Variants in GLIPR1L1 observed in about 807,000 individuals in gnomAD.
GLIPR1L1 encodes the protein GLIPR1 like 1.
Under a neutral mutation model 29.9 loss-of-function variants are expected in GLIPR1L1, and 26 were observed. The ratio of observed to expected loss-of-function variants is 0.87; its 90% CI spans 0.64 to 1.21. GLIPR1L1 has a LOEUF of 1.21. Among genes scored for constraint, GLIPR1L1 ranks in the 50% most tolerant of loss-of-function variants. The probability of loss-of-function intolerance (pLI) is 0.00; values close to 1 mark genes in which losing one functional copy is unlikely to be tolerated. For synonymous variants in GLIPR1L1, 77 were observed against 97.5 expected, an observed-to-expected ratio of 0.79 and a Z score of 1.24; for missense variants, 305 against 290.3, an observed-to-expected ratio of 1.05 and a Z score of -0.37.
chr12:75,348,698 CT>C (rs1395246236), intron 3 of GLIPR1L1, among the ~76,000 whole-genome samples: 8 of 152,110 alleles, frequency 5.3e-5, no homozygotes. Flanking sequence ...TAACAGATTT[CT>C]TATGGGTCTT....
At chr12:75,338,198 C>A (rs984418845) in intron 1 of GLIPR1L1, among the ~76,000 whole-genome samples, 1 of 152,012 alleles carries the variant, frequency 6.6e-6, no homozygotes, top group African/African-American at 2.4e-5. Context: ...AAATCTTCAA[C>A]AAAATTATAA....
At chr12:75,369,486 T>C (rs2139691253) in intron 4 of GLIPR1L1, 68 of 967,912 alleles carry the variant, frequency 7.0e-5, no homozygotes, top group Non-Finnish European at 8.4e-5. Flanking sequence ...GATTATTTCC[T>C]AATGAAGTGC....
At chr12:75,337,312 G>T (rs986814045) in intron 1 of GLIPR1L1, among the ~76,000 whole-genome samples, 1 of 151,480 alleles carries the variant, frequency 6.6e-6, no homozygotes, top group Non-Finnish European at 1.5e-5. Flanking sequence ...TCAAAAGTTG[G>T]TTTAAAACTA....
At chr12:75,366,644 C>CT (rs35880250) in intron 4 of GLIPR1L1, among the ~76,000 whole-genome samples, 34,584 of 147,418 alleles carry the variant, frequency 0.23, 4,011 homozygotes, top group Middle Eastern at 0.29. Context: ...TTGTTGCCTA[C>CT]TTTTTTTTTT....
intron 5 of GLIPR1L1, 45 bp downstream of exon 5, chr12:75,370,031 G>A (rs763503264): frequency 3.8e-5 from 48 of 1,278,436 alleles, no homozygotes; most frequent in East Asian, 1.9e-4. Flanking sequence ...ATTTCCTCCC[G>A]TTGAAAATCA....
rs1216076142 is a variant in GLIPR1L1, at chr12:75,363,088, T to C, written c.522-14T>C. On this transcript the variant is annotated splice_polypyrimidine_tract_variant and intron_variant, in intron 3 of 5. Coordinates refer to ENST00000378695, the MANE Select transcript of GLIPR1L1 (RefSeq NM_001304964.2). ...AACAGCCATTTGGCTAATCAATGTT[T>C]CTCTTTTTTACAGAGGAAATTTTGC... 1 of 1,437,034 alleles carries C rather than the reference T, an allele frequency of 7.0e-7. No homozygotes were observed. The highest frequency in any genetic ancestry group is 2.4e-5 in the East Asian group (1 of 41,288). The allele number at this position is 1,437,034 out of a possible 1,614,324, so 89.0% of individuals were successfully genotyped here.
intron 4 of GLIPR1L1, chr12:75,365,231 T>G (rs1381152497): frequency 3.9e-5 from 6 of 152,182 alleles, no homozygotes; most frequent in Admixed American, 3.9e-4. Context: ...TCAAATCATC[T>G]GTTGTCTTCA....
intron 4 of GLIPR1L1, among the ~76,000 whole-genome samples, chr12:75,367,640 CT>C (rs1482733875): frequency 1.4e-4 from 21 of 151,856 alleles, no homozygotes; most frequent in Admixed American, 1.4e-3. Context: ...AATTTAAATG[CT>C]TTTGTATATT....
intron 3 of GLIPR1L1, among the ~76,000 whole-genome samples, chr12:75,361,887 C>T (rs535078604): frequency 6.6e-6 from 1 of 152,174 alleles, no homozygotes; most frequent in Non-Finnish European, 1.5e-5. Flanking sequence ...CAGAGCCAAA[C>T]CATATCAATA....
rs139384889 is a variant in GLIPR1L1 at position 75,343,863 on chromosome 12, G to T, written c.345G>T (p.Thr115=). ...IKSFTPRHAI[T]AWYNETQFYD... is the part of the protein sequence containing the mutation. ...CATTCACACCAAGACATGCCATTAC[G>T]GCTTGGTATAATGAAACCCAATTTT... Residue 115 remains threonine (T), a synonymous_variant, in exon 2 of 6, where the codon ACG becomes ACT. Transcript: ENST00000378695. 2 of 1,612,548 alleles carry T rather than the reference G, an allele frequency of 1.2e-6. No individual in the cohort carries two copies. Among genetic ancestry groups the T allele is most frequent in the African/African-American group, 1.3e-5 (1 of 74,822 alleles).
At chr12:75,340,589 T>C (rs1044381365) in intron 1 of GLIPR1L1, among the ~76,000 whole-genome samples, 2 of 151,960 alleles carry the variant, frequency 1.3e-5, no homozygotes, top group Non-Finnish European at 2.9e-5. Flanking sequence ...AAATTTGACC[T>C]CATCAAAATA....
intron 3 of GLIPR1L1, among the ~76,000 whole-genome samples, chr12:75,354,543 AT>A (rs2043025138): frequency 6.6e-6 from 1 of 152,236 alleles, no homozygotes; most frequent in African/African-American, 2.4e-5. Context: ...TATCGTGAAA[AT>A]GGCCATACTG....
intron 1 of GLIPR1L1, among the ~76,000 whole-genome samples, chr12:75,335,342 A>G (rs1229783385): frequency 6.6e-6 from 1 of 152,054 alleles, no homozygotes; most frequent in African/African-American, 2.4e-5. Flanking sequence ...TCAAAACAAC[A>G]CTTCATGTGT....
chr12:75,366,851 T>C, intron 4 of GLIPR1L1: 1 of 700,800 alleles, frequency 1.4e-6, no homozygotes. Flanking sequence ...TATGCATTTC[T>C]TGAATGAGTC....
chr12:75,335,717 A>G (rs2041686929), intron 1 of GLIPR1L1, among the ~76,000 whole-genome samples: 1 of 152,094 alleles, frequency 6.6e-6, no homozygotes, highest in African/African-American at 2.4e-5. Context: ...TTTGATGGAG[A>G]AAGATTCAAA....
At position 75,368,646 on chromosome 12, in the gene GLIPR1L1, T is replaced by C. The variant is rs375601336; in HGVS notation, c.611-1314T>C. Among the ~76,000 whole-genome samples the C allele has an allele frequency of 1.6e-4, 25 of 152,198 alleles. No homozygotes were observed. The East Asian group carries it at 2.9e-3, about 18-fold the overall frequency. On this transcript the variant is annotated intron_variant, in intron 4 of 5. Transcript: ENST00000378695. ...ATTTTTAGAATTGTGCTTGGCCATA[T>C]AATTTTCCTCCTGCATTTTTCCTTG...
intron 3 of GLIPR1L1, among the ~76,000 whole-genome samples, chr12:75,358,484 A>G (rs2043302460): frequency 6.6e-6 from 1 of 151,382 alleles, no homozygotes; most frequent in African/African-American, 2.4e-5. Context: ...CAATAGATTC[A>G]GAAAAAGCCA....
chr12:75,356,579 T>C (rs1326753981), intron 3 of GLIPR1L1, among the ~76,000 whole-genome samples: 2 of 151,592 alleles, frequency 1.3e-5, no homozygotes, highest in Admixed American at 6.6e-5. Context: ...GCAGGTAAAA[T>C]GGAATTTTTA....
chr12:75,343,642 T>G (rs1337910613), intron 1 of GLIPR1L1, 51 bp from the exon 2 acceptor site: 4 of 1,342,040 alleles, frequency 3.0e-6, no homozygotes, highest in African/African-American at 1.5e-5. Context: ...TTAGAATAAT[T>G]TAATGCAAAT....
Sources: gnomAD v4.1 joint callset for allele counts (sites outside exome capture counted in the v4.1 genomes callset) on GRCh38, gnomAD v4.1.1 for gene constraint, MANE v1.5 for transcripts, NCBI Gene and HGNC (gene_info 2026-07-23, HGNC 2026-07-21) for gene names.